The following THBS4 variants were observed in gnomAD, a reference collection of about 807,000 sequenced individuals.
The protein encoded by THBS4 is thrombospondin 4, also known as thrombospondin-4.
Under a neutral mutation model 115.7 loss-of-function variants are expected in THBS4, and 90 were observed. The ratio of observed to expected loss-of-function variants is 0.78; its 90% CI spans 0.66 to 0.93. THBS4 has a LOEUF of 0.93. Among genes scored for constraint, THBS4 ranks in the 40% least tolerant of loss-of-function variants. The probability of loss-of-function intolerance (pLI) is 0.00; values close to 1 mark genes in which losing one functional copy is unlikely to be tolerated. For synonymous variants in THBS4, 460 were observed against 479.3 expected (o/e 0.96, Z 0.53); for missense variants, 1,087 against 1,232.7 (o/e 0.88, Z 1.77).
chr5:80,008,735 C>A (rs929991364), intron 2 of THBS4, among the ~76,000 whole-genome samples: 3 of 152,122 alleles, frequency 2.0e-5, no homozygotes, highest in Admixed American at 2.0e-4. Flanking sequence ...TAACAGCACC[C>A]CTCGCCTCTA....
intron 2 of THBS4, among the ~76,000 whole-genome samples, chr5:80,020,642 T>G (rs1025171274): frequency 1.3e-5 from 2 of 152,180 alleles, no homozygotes; most frequent in African/African-American, 4.8e-5. Context: ...TGTCTTCCTC[T>G]GGTGTGATAG....
Position 80,082,390 on chromosome 5 carries a change from G to C in THBS4, c.2685-16G>C. The C allele has an allele frequency of 6.2e-7, 1 of 1,612,648 alleles. No individual in the cohort carries two copies. Among genetic ancestry groups the C allele is most frequent in the Non-Finnish European group, 8.5e-7 (1 of 1,179,010 alleles). ...GTTGGATTTCATGGAGGCCCCTCCG[G>C]CCGTGTTGTCCGCAGGGTACGATTT... On this transcript the variant is annotated splice_polypyrimidine_tract_variant and intron_variant, in intron 20 of 21. Coordinates refer to ENST00000350881, the MANE Select transcript of THBS4 (RefSeq NM_003248.6).
Position 79,999,802 on chromosome 5 carries a change from C to T in THBS4, n.177+1375C>T, listed in dbSNP as rs1226099077. Among the ~76,000 whole-genome samples, 7 of 152,126 alleles carry T rather than the reference C, an allele frequency of 4.6e-5. No homozygotes were observed. In the East Asian group the frequency reaches 1.3e-3, roughly 29 times the overall value. ...AAAATGAGATATATCTGGTCTGATACCTCAGTTTATGGAAATTCCTCTTGA... is the reference window on the plus strand; with the variant it reads ...AAAATGAGATATATCTGGTCTGATATCTCAGTTTATGGAAATTCCTCTTGA... On this transcript the variant is annotated intron_variant and non_coding_transcript_variant, in intron 2 of 3. Transcript: ENST00000510218.
At position 80,082,467 on chromosome 5, in the gene THBS4, A is replaced by G. The variant is rs1166377690; in HGVS notation, c.2746A>G (p.Met916Val). ...ADSGVTIDTT[M>V]RGGRLGVFCF... ...CTCTGGCGTCACCATAGACACCACA[A>G]TGCGTGGAGGCCGACTTGGCGTTTT... Residue 916 changes from methionine to valine, a missense_variant, in exon 21 of 22, where the codon ATG (methionine) becomes GTG (valine). Physicochemically the swap from Met to Val is conservative, Grantham distance 21 (BLOSUM62 1). Around this residue, in one of 3 missense-constraint regions of THBS4, gnomAD observed 103 missense variants for 108.2 expected, o/e 0.95. Coordinates refer to ENST00000350881, the MANE Select transcript of THBS4 (RefSeq NM_003248.6). 2 of 1,614,084 alleles carry G rather than the reference A, an allele frequency of 1.2e-6. No individual in the cohort carries two copies. Among genetic ancestry groups the G allele is most frequent in the South Asian group, 1.1e-5 (1 of 91,084 alleles).
At chr5:80,001,747 A>T (rs919765648) in intron 2 of THBS4, among the ~76,000 whole-genome samples, 1 of 152,210 alleles carries the variant, frequency 6.6e-6, no homozygotes, top group Admixed American at 6.5e-5. Flanking sequence ...TGAGCGGTAG[A>T]TAATGATGAG....
In THBS4 at chr5:80,068,011, T is replaced by C. The variant is rs759054530; in HGVS notation, c.1233T>C (p.Thr411=). 2 of 1,614,196 alleles carry C rather than the reference T, an allele frequency of 1.2e-6. No homozygotes were observed. The highest frequency in any genetic ancestry group is 1.1e-5 in the South Asian group (1 of 91,078). The part of the protein sequence containing the change: ...YRCGPCKPGY[T]GDQIRGCKAE... ...GTGGGCCTTGTAAGCCGGGGTATAC[T>C]GGTGATCAGATAAGGGGATGCAAAG... The change falls in exon 10 of 22, where the codon ACT becomes ACC. Residue 411 remains threonine (T), a synonymous_variant. Coordinates refer to ENST00000350881, the MANE Select transcript of THBS4 (RefSeq NM_003248.6).
intron 1 of THBS4, among the ~76,000 whole-genome samples, chr5:79,991,728 A>G (rs1395182386): frequency 1.3e-5 from 2 of 152,208 alleles, no homozygotes; most frequent in African/African-American, 4.8e-5. Context: ...TAAAAGTTAC[A>G]GTATTTCTGA....
intron 2 of THBS4, among the ~76,000 whole-genome samples, chr5:80,029,808 A>C (rs1255141169): frequency 1.1e-3 from 162 of 151,612 alleles, no homozygotes; most frequent in African/African-American, 3.8e-3. Flanking sequence ...AAATACAAAA[A>C]AAAAAAAAAA....
rs202156552 is a variant in THBS4, at chr5:80,073,226, C to T, written c.1840-49C>T. On this transcript the variant is annotated intron_variant, in intron 14 of 21. Coordinates refer to ENST00000350881, the MANE Select transcript of THBS4 (RefSeq NM_003248.6). ...TGAGGTCTGCCTTCTCTGGAACATT[C>T]GGTACATGCAGGCCCAGGAATAAAT... The T allele has an allele frequency of 1.1e-5, 17 of 1,583,196 alleles. No individual in the cohort carries two copies. The East Asian group carries it at 1.8e-4, about 17-fold the overall frequency.
Position 80,035,567 on chromosome 5 carries a change from C to G in THBS4, c.30C>G (p.Leu10=). 1 of 1,433,046 alleles carries G rather than the reference C, an allele frequency of 7.0e-7. No homozygotes were observed. Among genetic ancestry groups the G allele is most frequent in the Non-Finnish European group, 9.1e-7 (1 of 1,092,966 alleles). The allele number at this position is 1,433,046 out of a possible 1,614,324, so 88.8% of individuals were successfully genotyped here. ...TGGCCCCGCGCGGAGCCGCCGTCCT[C>G]CTGCTGCACCTGGTCCTGCAGCGGT... MLAPRGAAV[L]LLHLVLQRWL... The change falls in exon 1 of 22, where the codon CTC becomes CTG. Residue 10 remains leucine, a synonymous_variant. Coordinates refer to ENST00000350881, the MANE Select transcript of THBS4 (RefSeq NM_003248.6). The surrounding 1 kb of genome is among the most constrained non-coding windows in gnomAD (Gnocchi z 4.6).
At chr5:79,994,564 A>G (rs1163774723) in intron 1 of THBS4, among the ~76,000 whole-genome samples, 1 of 152,226 alleles carries the variant, frequency 6.6e-6, no homozygotes, top group Non-Finnish European at 1.5e-5. Context: ...CTGTAATCCT[A>G]GCACTTTGGG....
intron 13 of THBS4, 60 bp downstream of exon 13, chr5:80,071,240 T>G: frequency 6.6e-7 from 1 of 1,525,588 alleles, no homozygotes; most frequent in Non-Finnish European, 8.7e-7. Context: ...TCCATTGTTC[T>G]CTGAGAGAGT....
chr5:80,070,350 T>C lies in THBS4; in HGVS notation c.1392T>C (p.Asp464=), dbSNP rs1440816069. Reference sequence around the variant, plus strand: ...GAGATGGCTATATCTGTGGAAAGGATGTGGACATCGACAGTTACCCCGACG... The same window carrying C: ...GAGATGGCTATATCTGTGGAAAGGACGTGGACATCGACAGTTACCCCGACG... The part of the protein sequence containing the change: ...WAGDGYICGK[D]VDIDSYPDEE... The change falls in exon 11 of 22, where the codon GAT becomes GAC. Residue 464 remains aspartate (D), a synonymous_variant. Transcript: ENST00000350881. The C allele has an allele frequency of 6.2e-7, 1 of 1,610,388 alleles. No individual in the cohort carries two copies. The highest frequency in any genetic ancestry group is 8.5e-7 in the Non-Finnish European group (1 of 1,178,196).
At chr5:80,013,443 G>A (rs945775643) in intron 2 of THBS4, among the ~76,000 whole-genome samples, 2 of 152,110 alleles carry the variant, frequency 1.3e-5, no homozygotes, top group African/African-American at 4.8e-5. Flanking sequence ...CTGGCCAAAT[G>A]TGTGTAATTT....
At position 80,067,959 on chromosome 5, in the gene THBS4, T is replaced by G. The variant is rs747306022; in HGVS notation, c.1195-14T>G. The G allele has an allele frequency of 1.9e-6, 3 of 1,613,594 alleles. No homozygotes were observed. The highest frequency in any genetic ancestry group is 2.5e-6 in the Non-Finnish European group (3 of 1,179,788). On this transcript the variant is annotated splice_polypyrimidine_tract_variant and intron_variant, in intron 9 of 21. Coordinates refer to ENST00000350881, the MANE Select transcript of THBS4 (RefSeq NM_003248.6). ...ACAGCTTTCAGCTCATCACCTGATC[T>G]TTGTTCCTTGCAGGGATCTTACCGC...
At position 80,058,262 on chromosome 5, in the gene THBS4, C is replaced by G. The variant is rs929355607; in HGVS notation, c.597C>G (p.Ser199Arg). ...VVRGSLFQVA[S>R]LQDCFLQQSE... ...GAGGCTCACTGTTCCAGGTGGCCAG[C>G]CTGCAAGACTGCTTCCTGCAGCAGA... Residue 199 changes from serine (S) to arginine (R), a missense_variant, in exon 4 of 22, where the codon AGC becomes AGG. Around this residue, in one of 3 missense-constraint regions of THBS4, gnomAD observed 979 missense variants for 1,103.7 expected, o/e 0.89. Transcript: ENST00000350881. 3.8e-6 allele frequency: 6 copies of G among 1,578,492 alleles called. No homozygotes were observed. The Admixed American group carries it at 5.4e-5, about 14-fold the overall frequency.
At chr5:80,012,596 A>G (rs1481290107) in intron 2 of THBS4, among the ~76,000 whole-genome samples, 1 of 152,118 alleles carries the variant, frequency 6.6e-6, no homozygotes, top group African/African-American at 2.4e-5. Context: ...TAAGAAGCTT[A>G]TCAAGACTCA....
intron 2 of THBS4, among the ~76,000 whole-genome samples, chr5:80,018,786 G>A (rs1326384628): frequency 6.6e-6 from 1 of 152,056 alleles, no homozygotes; most frequent in East Asian, 1.9e-4. Flanking sequence ...TATATTTATT[G>A]TATAGTTTAC....
intron 20 of THBS4, among the ~76,000 whole-genome samples, chr5:80,081,264 T>C (rs1258471207): frequency 6.6e-6 from 1 of 152,218 alleles, no homozygotes; most frequent in Non-Finnish European, 1.5e-5. Context: ...TCTTTTTGTC[T>C]CACAGTGAGA....
Sources: allele counts gnomAD v4.1 joint callset (sites outside exome capture counted in the v4.1 genomes callset), GRCh38; gene constraint gnomAD v4.1.1; regional missense constraint gnomAD v4.1.1; non-coding constraint Gnocchi (gnomAD v3.1); transcripts MANE v1.5; gene names NCBI Gene and HGNC (gene_info 2026-07-23, HGNC 2026-07-21).